Variants in SLIT3 observed in about 807,000 individuals in gnomAD.
The protein encoded by SLIT3 is slit guidance ligand 3, also known as slit homolog 3 protein.
In SLIT3, 68 loss-of-function variants were observed where a neutral mutation model predicts 184.0. That is an observed-to-expected ratio of 0.37 (90% CI 0.30 to 0.45). SLIT3 has a LOEUF of 0.45. SLIT3 is among the 20% of genes least tolerant of loss of function. SLIT3 has a pLI of 1.00. For synonymous variants in SLIT3, 831 were observed against 828.6 expected, an observed-to-expected ratio of 1.00 and a Z score of -0.05; for missense variants, 1,707 against 2,026.0, an observed-to-expected ratio of 0.84 and a Z score of 3.02.
At chr5:168,708,660 T>C (rs1234528014) in intron 25 of SLIT3, 2 of 158,132 alleles carry the variant, frequency 1.3e-5, no homozygotes, top group African/African-American at 4.8e-5. Flanking sequence ...ACATGTTACG[T>C]CTGTGACCGT....
intron 3 of SLIT3, among the ~76,000 whole-genome samples, chr5:169,243,546 C>T (rs1247156100): frequency 2.0e-5 from 3 of 152,210 alleles, no homozygotes; most frequent in African/African-American, 7.2e-5. Context: ...ACGGTTCACA[C>T]AACAGAGAGG....
intron 4 of SLIT3, among the ~76,000 whole-genome samples, chr5:168,888,028 A>G (rs1487712918): frequency 6.6e-6 from 1 of 152,230 alleles, no homozygotes; most frequent in African/African-American, 2.4e-5. Context: ...GGATAAAACA[A>G]GAGAGCTGGA....
chr5:168,763,896 TG>T (rs1218423856), intron 14 of SLIT3, among the ~76,000 whole-genome samples: 1 of 152,174 alleles, frequency 6.6e-6, no homozygotes, highest in East Asian at 1.9e-4. Flanking sequence ...ACATGAGTAT[TG>T]GGAAGTGTTT....
chr5:168,750,546 G>A (rs1754659736), intron 18 of SLIT3, among the ~76,000 whole-genome samples: 1 of 152,202 alleles, frequency 6.6e-6, no homozygotes, highest in Non-Finnish European at 1.5e-5. Context: ...CAGTAGCTGT[G>A]TGAAGCGGGG....
Position 168,755,711 on chromosome 5 carries a change from C to T in SLIT3, c.1686-1704G>A, listed in dbSNP as rs144087935. Among the ~76,000 whole-genome samples, 281 of 152,294 alleles carry T rather than the reference C, an allele frequency of 1.8e-3. 10 individuals carry two copies. The East Asian group carries it at 0.047, about 25-fold the overall frequency. ...TTGGCCTCCCAAAGTGCCGGGATTA[C>T]AGGCATGAGCCGCCATGCCTGGCTG... On this transcript the variant is annotated intron_variant, in intron 16 of 35. Transcript: ENST00000519560.
intron 11 of SLIT3, among the ~76,000 whole-genome samples, chr5:168,787,204 C>T (rs1756185614): frequency 6.6e-6 from 1 of 152,236 alleles, no homozygotes; most frequent in Non-Finnish European, 1.5e-5. Flanking sequence ...TAATGCCCCA[C>T]CGCTCACTGT....
rs546985473 is a variant in SLIT3 at position 168,797,142 on chromosome 5, G to T, written c.936-1564C>A. Among the ~76,000 whole-genome samples the T allele has an allele frequency of 3.9e-5, 6 of 152,264 alleles. No homozygotes were observed. The East Asian group carries it at 9.7e-4, about 25-fold the overall frequency. On this transcript the variant is annotated intron_variant, in intron 9 of 35. Transcript: ENST00000519560. ...GAGAGCCACAAAAGCTTACCATAGGGTCTCAGAGACTGTGGGCTACTGGAT... is the reference window on the plus strand; with the variant it reads ...GAGAGCCACAAAAGCTTACCATAGGTTCTCAGAGACTGTGGGCTACTGGAT...
intron 10 of SLIT3, chr5:168,790,556 AGGGATGGCCTCT>A (rs1227198792): frequency 6.6e-6 from 1 of 152,214 alleles, no homozygotes; most frequent in Non-Finnish European, 1.5e-5. Context: ...TCATTAGCTC[AGGGATGGCCTCT>A]GGGATCCTGT....
At chr5:169,299,072 C>T (rs183169078) in intron 1 of SLIT3, among the ~76,000 whole-genome samples, 4 of 152,176 alleles carry the variant, frequency 2.6e-5, no homozygotes, top group African/African-American at 9.7e-5. Context: ...ATTCTAGCCC[C>T]TTTATTGCCG....
intron 4 of SLIT3, among the ~76,000 whole-genome samples, chr5:169,119,125 T>C (rs1357368073): frequency 6.6e-6 from 1 of 152,234 alleles, no homozygotes; most frequent in Admixed American, 6.5e-5. Flanking sequence ...CTTCTGCAGC[T>C]TTTAAAAGCA....
At chr5:169,179,279 T>TTC (rs931541251) in intron 4 of SLIT3, among the ~76,000 whole-genome samples, 11 of 120,360 alleles carry the variant, frequency 9.1e-5, no homozygotes, top group Non-Finnish European at 1.2e-4. Flanking sequence ...CCTTTTTCTT[T>TTC]TTTTTTTTTT....
intron 4 of SLIT3, among the ~76,000 whole-genome samples, chr5:169,060,646 C>G (rs926193814): frequency 2.0e-5 from 3 of 152,238 alleles, no homozygotes; most frequent in African/African-American, 4.8e-5. Context: ...GTCTCCTCTT[C>G]TCTATTGCAC....
intron 16 of SLIT3, among the ~76,000 whole-genome samples, chr5:168,757,546 G>C (rs1285185843): frequency 6.6e-6 from 1 of 152,162 alleles, no homozygotes; most frequent in Non-Finnish European, 1.5e-5. Context: ...CCATTCTCCT[G>C]CTTCAGCCCC....
intron 6 of SLIT3, among the ~76,000 whole-genome samples, chr5:168,838,428 T>C (rs1020563925): frequency 2.0e-5 from 3 of 152,176 alleles, no homozygotes; most frequent in Admixed American, 6.5e-5. Flanking sequence ...TCAAAAATAG[T>C]AGATGCTCAA....
At chr5:168,922,349 C>T (rs1259706434) in intron 4 of SLIT3, among the ~76,000 whole-genome samples, 5 of 148,116 alleles carry the variant, frequency 3.4e-5, no homozygotes, top group Non-Finnish European at 7.4e-5. Context: ...CCCAGCTACT[C>T]GGGAGGCTGA....
intron 1 of SLIT3, among the ~76,000 whole-genome samples, chr5:169,262,937 C>T (rs561847339): frequency 6.6e-6 from 1 of 152,290 alleles, no homozygotes; most frequent in African/African-American, 2.4e-5. Flanking sequence ...CTAACCCCAG[C>T]TACCTATGAG....
Position 168,742,451 on chromosome 5 carries a change from C to T in SLIT3, c.2270+5851G>A, listed in dbSNP as rs191316751. ...AGAGAGAAAGGGGACAGGTGCTGAC[C>T]GCTCTGCCAAGATGCAATGTCTCCT... On this transcript the variant is annotated intron_variant, in intron 20 of 35. Coordinates refer to ENST00000519560, the MANE Select transcript of SLIT3 (RefSeq NM_003062.4). 9.6e-4 allele frequency among the ~76,000 whole-genome samples: 116 copies of T among 120,580 alleles called. 17 individuals carry two copies. The highest frequency in any genetic ancestry group is 3.8e-3 in the African/African-American group (110 of 29,196). The allele number at this position is 120,580 out of a possible 152,430, so 79.1% of individuals were successfully genotyped here. A position where few individuals can be genotyped will look rare whatever the true frequency, so the allele number is the denominator to read the frequency against.
intron 5 of SLIT3, among the ~76,000 whole-genome samples, chr5:168,881,420 C>T (rs145952965): frequency 6.6e-6 from 1 of 152,306 alleles, no homozygotes; most frequent in African/African-American, 2.4e-5. Context: ...ATTAACTGTC[C>T]AGCTCTGGTT....
rs202180515 is a variant in SLIT3, at chr5:168,671,165, C to T, written c.4127+33G>A. On this transcript the variant is annotated intron_variant, in intron 34 of 35. Transcript: ENST00000519560. ...AGGGACTGAGGCCATTCTGGGAGCTCGAGCACACAGCCAGGGCTCCTGGGA... is the reference window on the plus strand; with the variant it reads ...AGGGACTGAGGCCATTCTGGGAGCTTGAGCACACAGCCAGGGCTCCTGGGA... The T allele has an allele frequency of 1.1e-4, 177 of 1,588,506 alleles. No homozygotes were observed. In the Middle Eastern group the frequency reaches 3.5e-3, roughly 31 times the overall value.
Sources: allele counts gnomAD v4.1 joint callset (sites outside exome capture counted in the v4.1 genomes callset), GRCh38; gene constraint gnomAD v4.1.1; transcripts MANE v1.5; gene names NCBI Gene and HGNC (gene_info 2026-07-23, HGNC 2026-07-21).